The following FBXO34 variants were observed in gnomAD, a reference collection of about 807,000 sequenced individuals.
FBXO34 encodes the protein F-box protein 34, also known as F-box only protein 34.
In FBXO34, 12 loss-of-function variants were observed where a neutral mutation model predicts 24.5. The ratio of observed to expected loss-of-function variants is 0.49; its 90% CI spans 0.31 to 0.79. FBXO34 has a LOEUF of 0.79. Among genes scored for constraint, FBXO34 ranks in the 30% least tolerant of loss-of-function variants. FBXO34 has a pLI of 0.04. For synonymous variants in FBXO34, 320 were observed against 311.9 expected, an observed-to-expected ratio of 1.03 and a Z score of -0.27; for missense variants, 823 against 857.7, an observed-to-expected ratio of 0.96 and a Z score of 0.51.
downstream of FBXO34, among the ~76,000 whole-genome samples, chr14:55,364,303 C>T (rs975428160): frequency 6.6e-6 from 1 of 152,122 alleles, no homozygotes; most frequent in African/African-American, 2.4e-5. Flanking sequence ...AGATCCCTCC[C>T]ACCACCAGAG....
At chr14:55,310,788 C>T (rs145190598) in intron 1 of FBXO34, among the ~76,000 whole-genome samples, 1 of 152,124 alleles carries the variant, frequency 6.6e-6, no homozygotes, top group African/African-American at 2.4e-5. Context: ...TGCCTCAATT[C>T]TCTTTGCTAA....
downstream of FBXO34, among the ~76,000 whole-genome samples, chr14:55,364,524 A>T (rs1160921519): frequency 6.6e-6 from 1 of 151,868 alleles, no homozygotes; most frequent in African/African-American, 2.4e-5. Context: ...TCCTAGTTTC[A>T]TGTGATTCTC....
chr14:55,439,406 G>C, the FBXO34 span, among the ~76,000 whole-genome samples: 2 of 152,074 alleles, frequency 1.3e-5, no homozygotes, highest in Non-Finnish European at 2.9e-5. Context: ...AGGGGACAGG[G>C]GCTCTCTGTT....
At chr14:55,428,645 C>T in the FBXO34 span, among the ~76,000 whole-genome samples, 1 of 151,818 alleles carries the variant, frequency 6.6e-6, no homozygotes, top group African/African-American at 2.4e-5. Flanking sequence ...CATGTGGTAA[C>T]CTATGAGAAC....
exon 3 of FBXO34, chr14:55,367,262 G>T (rs1426914559): frequency 6.6e-6 from 1 of 152,202 alleles, no homozygotes; most frequent in Non-Finnish European, 1.5e-5. Context: ...TACAACTCGT[G>T]AGACTAAGCT....
At chr14:55,416,745 G>A in the FBXO34 span, among the ~76,000 whole-genome samples, 3 of 152,154 alleles carry the variant, frequency 2.0e-5, no homozygotes, top group South Asian at 2.1e-4. Context: ...AGCTGCATTC[G>A]TCTTGAACAA....
the FBXO34 span, among the ~76,000 whole-genome samples, chr14:55,441,893 G>C: frequency 1.3e-5 from 2 of 151,860 alleles, no homozygotes; most frequent in South Asian, 4.2e-4. Flanking sequence ...CTCCCGAGTA[G>C]CTGGGATTAC....
At chr14:55,385,794 G>C in the FBXO34 span, 1 of 1,304,806 alleles carries the variant, frequency 7.7e-7, no homozygotes, top group Non-Finnish European at 1.1e-6. Context: ...ATAAGGTAAT[G>C]ACATACTTTA....
chr14:55,425,117 C>T, the FBXO34 span, among the ~76,000 whole-genome samples: 1 of 152,208 alleles, frequency 6.6e-6, no homozygotes, highest in East Asian at 1.9e-4. Context: ...CCAAAAACAA[C>T]AGCAGATGTG....
At chr14:55,362,109 A>G (rs1884601586), downstream of FBXO34, among the ~76,000 whole-genome samples, 1 of 152,174 alleles carries the variant, frequency 6.6e-6, no homozygotes, top group African/African-American at 2.4e-5. Context: ...TTAAAGTGAG[A>G]GACATGGGAC....
chr14:55,290,390 CA>C (rs140347127), intron 1 of FBXO34, among the ~76,000 whole-genome samples: 38,323 of 135,230 alleles, frequency 0.28, 5,480 homozygotes, highest in Non-Finnish European at 0.34. Context: ...AGACTTCTCT[CA>C]AAAAAAAAAA....
chr14:55,360,401 T>G (rs1308153129), intron 3 of FBXO34, among the ~76,000 whole-genome samples: 1 of 152,120 alleles, frequency 6.6e-6, no homozygotes, highest in African/African-American at 2.4e-5. Flanking sequence ...TGCTCATCCA[T>G]AAGAAGCAAC....
the FBXO34 span, chr14:55,438,679 G>A: frequency 2.0e-5 from 3 of 152,170 alleles, no homozygotes; most frequent in Admixed American, 6.5e-5. Flanking sequence ...AAACTTGACC[G>A]GCTCCCTGCA....
chr14:55,310,956 AC>A (rs11338057), intron 1 of FBXO34, among the ~76,000 whole-genome samples: 10,903 of 152,104 alleles, frequency 0.072, 1,080 homozygotes, highest in African/African-American at 0.23. Context: ...AAAAAAAAAA[AC>A]ATCCAACCTG....
At chr14:55,380,249 AAACAACAACAAC>A in the FBXO34 span, among the ~76,000 whole-genome samples, 2 of 150,508 alleles carry the variant, frequency 1.3e-5, no homozygotes, top group East Asian at 2.0e-4. Flanking sequence ...CTCTGTCTCA[AAACAACAACAAC>A]AACAACAACA....
At chr14:55,324,581 C>T (rs1594752262) in intron 1 of FBXO34, among the ~76,000 whole-genome samples, 1 of 151,858 alleles carries the variant, frequency 6.6e-6, no homozygotes, top group African/African-American at 2.4e-5. Context: ...TTGAAAGCCC[C>T]ACATAACATG....
At position 55,299,291 on chromosome 14, in the gene FBXO34, G is replaced by A. The variant is rs72715773; in HGVS notation, c.-11+27754G>A. On this transcript the variant is annotated intron_variant, in intron 1 of 1. Transcript: ENST00000313833. ...GTCCAGCGCGGGCAGGATGGATGTG[G>A]TGCAGGCAGGTTCCATCGCTCTCGA... The A allele has an allele frequency of 9.8e-3, 7,171 of 733,152 alleles. 73 individuals are homozygous for A. The highest frequency in any genetic ancestry group is 0.033 in the Middle Eastern group (131 of 3,928). The allele number at this position is 733,152 out of a possible 1,614,324, so 45.4% of individuals were successfully genotyped here.
chr14:55,316,890 C>T (rs1048351604), intron 1 of FBXO34, among the ~76,000 whole-genome samples: 3 of 152,080 alleles, frequency 2.0e-5, no homozygotes, highest in African/African-American at 7.2e-5. Flanking sequence ...TTATCTCTAT[C>T]TTTTATGCTA....
At chr14:55,432,612 T>C in the FBXO34 span, among the ~76,000 whole-genome samples, 3 of 152,312 alleles carry the variant, frequency 2.0e-5, no homozygotes, top group East Asian at 5.8e-4. Flanking sequence ...TTAATCTCAC[T>C]AGTAAATCAA....
Sources: gnomAD v4.1 joint callset for allele counts (sites outside exome capture counted in the v4.1 genomes callset) on GRCh38, gnomAD v4.1.1 for gene constraint, MANE v1.5 for transcripts, NCBI Gene and HGNC (gene_info 2026-07-23, HGNC 2026-07-21) for gene names.